Variants in OPCML observed in about 807,000 individuals in gnomAD.
The protein encoded by OPCML is opioid binding protein/cell adhesion molecule like, also known as opioid-binding protein/cell adhesion molecule.
A neutral mutation model predicts 37.8 loss-of-function variants in OPCML; 13 were observed. The observed-to-expected ratio is 0.34, with a 90% confidence interval of 0.22 to 0.55. The LOEUF is 0.55. OPCML is among the 20% of genes least tolerant of loss of function. The pLI is 0.91. For synonymous variants in OPCML, 176 were observed against 168.8 expected (o/e 1.04, Z -0.33); for missense variants, 341 against 435.6 (o/e 0.78, Z 1.93).
rs2095939066 is a variant in OPCML, at chr11:132,416,497, T to G, written c.*3696A>C. 6.6e-5 allele frequency: 10 copies of G among 152,348 alleles called. No individual in the cohort carries two copies. In the South Asian group the frequency reaches 2.1e-3, roughly 32 times the overall value. The allele number at this position is 152,348 out of a possible 1,614,324, so 9.4% of individuals were successfully genotyped here. A position where few individuals can be genotyped will look rare whatever the true frequency, so the allele number is the denominator to read the frequency against. On this transcript the variant is annotated 3_prime_UTR_variant, in exon 8 of 8. Coordinates refer to ENST00000524381, the MANE Select transcript of OPCML (RefSeq NM_001012393.5). ...TTCAGCATAAATAGAACTTGCTGAC[T>G]TCTCTTTGTTGAAGGCAAATTGACT...
intron 4 of OPCML, among the ~76,000 whole-genome samples, chr11:132,465,693 T>C (rs983016729): frequency 1.3e-5 from 2 of 152,216 alleles, no homozygotes; most frequent in Non-Finnish European, 1.5e-5. Flanking sequence ...TTTTTTGACA[T>C]TGCCAAATCT....
At chr11:133,122,434 G>T (rs1393941370) in intron 1 of OPCML, among the ~76,000 whole-genome samples, 1 of 152,130 alleles carries the variant, frequency 6.6e-6, no homozygotes. Context: ...TGCTGAGTCA[G>T]ATCTCTAGTT....
intron 3 of OPCML, among the ~76,000 whole-genome samples, chr11:132,634,720 C>T (rs183632471): frequency 6.6e-6 from 1 of 152,260 alleles, no homozygotes; most frequent in African/African-American, 2.4e-5. Context: ...CCACTCCACC[C>T]TACTGCCCTT....
Position 133,140,525 on chromosome 11 carries a change from T to TAAGAAGAAGAAGAAG in OPCML, c.62-197516_62-197515insCTTCTTCTTCTTCTT, listed in dbSNP as rs1306668854. Among the ~76,000 whole-genome samples the TAAGAAGAAGAAGAAG allele has an allele frequency of 3.9e-3, 220 of 57,012 alleles. 1 individual carries two copies. The highest frequency in any genetic ancestry group is 0.018 in the Middle Eastern group (2 of 112). The allele number at this position is 57,012 out of a possible 152,430, so 37.4% of individuals were successfully genotyped here. A position where few individuals can be genotyped will look rare whatever the true frequency, so the allele number is the denominator to read the frequency against. ...AGACTCTGTCTCAAAATAATAATAA[T>TAAGAAGAAGAAGAAG]AATAATAAGAAGAAGAAGAAGAAGA... On this transcript the variant is annotated intron_variant, in intron 1 of 7. Coordinates refer to ENST00000524381, the MANE Select transcript of OPCML (RefSeq NM_001012393.5).
chr11:132,525,035 C>T (rs955996183), intron 4 of OPCML, among the ~76,000 whole-genome samples: 1 of 152,312 alleles, frequency 6.6e-6, no homozygotes, highest in East Asian at 1.9e-4. Flanking sequence ...ACTTTACTCA[C>T]TTACCAGTGC....
intron 2 of OPCML, among the ~76,000 whole-genome samples, chr11:132,736,070 T>A (rs906301322): frequency 6.6e-6 from 1 of 152,224 alleles, no homozygotes; most frequent in Non-Finnish European, 1.5e-5. Context: ...TTCAGAATTA[T>A]TATGAACCAG....
chr11:132,885,259 A>G (rs1233645036), intron 2 of OPCML, among the ~76,000 whole-genome samples: 3 of 152,180 alleles, frequency 2.0e-5, no homozygotes, highest in Non-Finnish European at 4.4e-5. Context: ...CTGCATCTCT[A>G]TGGGCTGCAA....
At chr11:132,670,133 A>C (rs1942396519) in intron 2 of OPCML, among the ~76,000 whole-genome samples, 1 of 152,306 alleles carries the variant, frequency 6.6e-6, no homozygotes, top group South Asian at 2.1e-4. Flanking sequence ...CATTCAATAG[A>C]TTATCCTGAC....
intron 1 of OPCML, among the ~76,000 whole-genome samples, chr11:133,115,026 G>A (rs566486857): frequency 6.6e-6 from 1 of 152,330 alleles, no homozygotes; most frequent in South Asian, 2.1e-4. Context: ...ACTGGATCAT[G>A]TAGGATTTTA....
chr11:133,435,383 C>T (rs1232686872), intron 1 of OPCML, among the ~76,000 whole-genome samples: 3 of 152,000 alleles, frequency 2.0e-5, no homozygotes, highest in African/African-American at 7.2e-5. Context: ...AATGAGTAGG[C>T]ATTTCATTTG....
chr11:132,976,793 T>C (rs550447129), intron 1 of OPCML, among the ~76,000 whole-genome samples: 3 of 152,312 alleles, frequency 2.0e-5, no homozygotes, highest in African/African-American at 4.8e-5. Flanking sequence ...AAATTACCTT[T>C]TAAAATTCAA....
intron 2 of OPCML, among the ~76,000 whole-genome samples, chr11:132,697,516 G>A (rs946863528): frequency 6.6e-6 from 1 of 152,070 alleles, no homozygotes; most frequent in African/African-American, 2.4e-5. Context: ...CTACATATAA[G>A]TGAGATCATG....
chr11:132,881,560 C>T (rs1943225249), intron 2 of OPCML, among the ~76,000 whole-genome samples: 1 of 151,922 alleles, frequency 6.6e-6, no homozygotes, highest in Non-Finnish European at 1.5e-5. Context: ...TAAATGTCTA[C>T]TCTACGGTTT....
chr11:132,880,285 C>T (rs1943177754), intron 2 of OPCML, among the ~76,000 whole-genome samples: 1 of 152,168 alleles, frequency 6.6e-6, no homozygotes, highest in Non-Finnish European at 1.5e-5. Context: ...TGACAAACCA[C>T]CACGGCTCTC....
At chr11:133,483,389 T>C (rs879551069) in intron 1 of OPCML, among the ~76,000 whole-genome samples, 1 of 151,668 alleles carries the variant, frequency 6.6e-6, no homozygotes, top group Non-Finnish European at 1.5e-5. Context: ...ATAGATAACA[T>C]AGATAAATAG....
intron 2 of OPCML, among the ~76,000 whole-genome samples, chr11:132,874,394 T>TTCCCTCCCTCCCTCCCTCCCTCCC (rs769347911): frequency 1.4e-5 from 2 of 146,916 alleles, no homozygotes; most frequent in African/African-American, 5.3e-5. Flanking sequence ...TCTTTTATCT[T>TTCCCTCCCTCCCTCCCTCCCTCCC]TCCCTCCCTC....
intron 1 of OPCML, among the ~76,000 whole-genome samples, chr11:133,032,760 G>C (rs184561997): frequency 6.6e-6 from 1 of 152,152 alleles, no homozygotes; most frequent in Non-Finnish European, 1.5e-5. Context: ...AGGATCCTCC[G>C]TGACTATTGC....
At chr11:132,422,933 C>T (rs967371153) in intron 7 of OPCML, among the ~76,000 whole-genome samples, 3 of 152,206 alleles carry the variant, frequency 2.0e-5, no homozygotes, top group Non-Finnish European at 2.9e-5. Context: ...AGCTGAGTGA[C>T]GTTCCCTCTC....
At chr11:133,179,062 C>G (rs558581672) in intron 1 of OPCML, among the ~76,000 whole-genome samples, 150 of 152,218 alleles carry the variant, frequency 9.9e-4, no homozygotes, top group Non-Finnish European at 1.3e-3. Context: ...ATTTACTGTC[C>G]TGCTGGCTGT....
Sources: gnomAD v4.1 joint callset for allele counts (sites outside exome capture counted in the v4.1 genomes callset) on GRCh38, gnomAD v4.1.1 for gene constraint, MANE v1.5 for transcripts, NCBI Gene and HGNC (gene_info 2026-07-23, HGNC 2026-07-21) for gene names.